The following EPHA4 variants were observed in gnomAD, a reference collection of about 807,000 sequenced individuals.
EPHA4 encodes EPH receptor A4.
EPHA4 carries 19 observed loss-of-function variants against 108.3 expected under a neutral mutation model. The ratio of observed to expected loss-of-function variants is 0.18; its 90% CI spans 0.12 to 0.26. EPHA4 has a LOEUF of 0.26. EPHA4 is among the 10% of genes least tolerant of loss of function. The pLI, the probability that EPHA4 is intolerant of heterozygous loss-of-function variation, is 1.00. For missense variants in EPHA4, 917 were observed against 1,254.0 expected (o/e 0.73, Z 4.06); for synonymous variants, 449 against 455.5 (o/e 0.99, Z 0.18).
At chr2:221,445,664 T>C (rs1690573132) in intron 9 of EPHA4, among the ~76,000 whole-genome samples, 1 of 151,610 alleles carries the variant, frequency 6.6e-6, no homozygotes, top group African/African-American at 2.4e-5. Context: ...TTCTTTGACC[T>C]CTTTGGAACA....
In EPHA4 at chr2:221,449,644, G is replaced by A. The variant is rs6712216; in HGVS notation, c.1716-3463C>T. ...TTAGCAGACATTGTTGCAGAACAGC[G>A]TGAGCCCTCTCAACCAACGTGCTGT... On this transcript the variant is annotated intron_variant, in intron 8 of 17. Coordinates refer to ENST00000281821, the MANE Select transcript of EPHA4 (RefSeq NM_004438.5). Among the ~76,000 whole-genome samples, 601 of 152,288 alleles carry A rather than the reference G, an allele frequency of 3.9e-3. 4 individuals carry two copies. The highest frequency in any genetic ancestry group is 0.014 in the African/African-American group (572 of 41,560).
At chr2:221,422,786 G>A (rs1032287112) in intron 17 of EPHA4, among the ~76,000 whole-genome samples, 6 of 152,178 alleles carry the variant, frequency 3.9e-5, no homozygotes, top group Non-Finnish European at 7.3e-5. Context: ...CAGTCGTGAT[G>A]ACATCAAAAT....
At position 221,527,127 on chromosome 2, in the gene EPHA4, GA is replaced by G. The variant is rs1313486877; in HGVS notation, c.824-25956del. ...CAACAGAGTGAGACTCTGTCTAAAG[GA>G]AAAAAAAGAATCTGAATCTACTACT... On this transcript the variant is annotated intron_variant, in intron 3 of 17. Coordinates refer to ENST00000281821, the MANE Select transcript of EPHA4 (RefSeq NM_004438.5). Among the ~76,000 whole-genome samples the G allele has an allele frequency of 4.6e-5, 7 of 151,752 alleles. No individual in the cohort carries two copies. In the East Asian group the frequency reaches 1.4e-3, roughly 30 times the overall value.
In EPHA4 at chr2:221,454,606, A is replaced by G. The variant is rs537778729; in HGVS notation, c.1715+941T>C. 3.3e-5 allele frequency among the ~76,000 whole-genome samples: 5 copies of G among 152,266 alleles called. No individual in the cohort carries two copies. The South Asian group carries it at 1.0e-3, about 32-fold the overall frequency. ...CATCTTGTGAAACAGTTGATGGTAT[A>G]TGGGGATGCCGATCAGGGAAGAGGC... is the stretch of plus-strand genomic sequence containing the variant. On this transcript the variant is annotated intron_variant, in intron 8 of 17. Coordinates refer to ENST00000281821, the MANE Select transcript of EPHA4 (RefSeq NM_004438.5).
intron 4 of EPHA4, among the ~76,000 whole-genome samples, chr2:221,493,240 AT>A (rs1229798598): frequency 3.3e-5 from 5 of 152,256 alleles, no homozygotes; most frequent in East Asian, 1.9e-4. Context: ...AGATAAAAAA[AT>A]ATATAGTTTA....
chr2:221,436,717 G>T, intron 12 of EPHA4, 109 bp from the exon 13 acceptor site: 1 of 1,112,660 alleles, frequency 9.0e-7, no homozygotes, highest in Non-Finnish European at 1.3e-6. Flanking sequence ...GGTATGCAAT[G>T]AAACTCAACA....
intron 16 of EPHA4, 144 bp downstream of exon 16, chr2:221,426,320 G>T: frequency 7.5e-6 from 8 of 1,064,998 alleles, no homozygotes; most frequent in South Asian, 1.6e-5. Context: ...CTTTATAGAG[G>T]CTGTGTAAAA....
At position 221,426,034 on chromosome 2, in the gene EPHA4, G is replaced by C. The variant is rs772325817; in HGVS notation, c.2955C>G (p.Pro985=). 6.2e-7 allele frequency: 1 copy of C among 1,613,840 alleles called. No individual in the cohort carries two copies. The highest frequency in any genetic ancestry group is 8.5e-7 in the Non-Finnish European group (1 of 1,179,828). Residue 985 remains proline (P), a synonymous_variant, in exon 17 of 18, where the codon CCC becomes CCG. Transcript: ENST00000281821. ...QMQQMHGRMV[P]V is the part of the protein sequence containing the mutation. ...GAGTTTATTCAGTACTGGCTCAGAC[G>C]GGAACCATTCTGCCGTGCATCTGCT...
At chr2:221,537,751 T>C (rs1024339195) in intron 3 of EPHA4, among the ~76,000 whole-genome samples, 1 of 152,044 alleles carries the variant, frequency 6.6e-6, no homozygotes, top group Admixed American at 6.5e-5. Context: ...GATGGTGCCA[T>C]TGCACTCTAG....
intron 11 of EPHA4, among the ~76,000 whole-genome samples, chr2:221,438,678 G>T (rs112955170): frequency 0.027 from 4,034 of 152,020 alleles, 173 homozygotes; most frequent in African/African-American, 0.093. Flanking sequence ...CCAGCTTCTC[G>T]GGAGGCTGAG....
intron 3 of EPHA4, among the ~76,000 whole-genome samples, chr2:221,549,405 G>GTC (rs149084369): frequency 6.6e-6 from 1 of 151,936 alleles, no homozygotes; most frequent in African/African-American, 2.4e-5. Flanking sequence ...TTATTTCTTG[G>GTC]TCTCTCTCTC....
At chr2:221,552,406 G>A (rs938036250) in intron 3 of EPHA4, among the ~76,000 whole-genome samples, 1 of 152,108 alleles carries the variant, frequency 6.6e-6, no homozygotes, top group Admixed American at 6.5e-5. Context: ...GAAGCGATCT[G>A]GGCACTAGAT....
chr2:221,535,449 C>T (rs893244890), intron 3 of EPHA4, among the ~76,000 whole-genome samples: 3 of 152,142 alleles, frequency 2.0e-5, no homozygotes, highest in Non-Finnish European at 4.4e-5. Flanking sequence ...AAGTAACAAC[C>T]ATATATTGAC....
intron 3 of EPHA4, among the ~76,000 whole-genome samples, chr2:221,526,437 T>G (rs138098415): frequency 5.7e-4 from 86 of 152,076 alleles, no homozygotes; most frequent in African/African-American, 1.8e-3. Flanking sequence ...GCCTCGAAGG[T>G]TGCAGGCAGG....
intron 3 of EPHA4, among the ~76,000 whole-genome samples, chr2:221,544,548 A>G (rs375471733): frequency 4.6e-5 from 7 of 151,890 alleles, no homozygotes; most frequent in Non-Finnish European, 7.4e-5. Flanking sequence ...CTGGTCTCGA[A>G]CTCCTGACCT....
intron 11 of EPHA4, among the ~76,000 whole-genome samples, chr2:221,439,316 C>T (rs556607133): frequency 7.5e-6 from 1 of 133,896 alleles, no homozygotes; most frequent in Admixed American, 7.5e-5. Flanking sequence ...CATATGTGAC[C>T]AGGGTTTTCT....
chr2:221,452,769 C>T (rs1690827341), intron 8 of EPHA4, among the ~76,000 whole-genome samples: 1 of 151,980 alleles, frequency 6.6e-6, no homozygotes, highest in Non-Finnish European at 1.5e-5. Context: ...TCGACAGGCT[C>T]AATTCTCTAA....
At chr2:221,424,932 C>T (rs1175885938) in intron 17 of EPHA4, among the ~76,000 whole-genome samples, 2 of 152,154 alleles carry the variant, frequency 1.3e-5, no homozygotes, top group African/African-American at 4.8e-5. Flanking sequence ...ATGGAAAGCA[C>T]ACAGCCAACA....
chr2:221,460,282 C>T (rs187703806), intron 5 of EPHA4, among the ~76,000 whole-genome samples: 246 of 152,116 alleles, frequency 1.6e-3, no homozygotes, highest in African/African-American at 5.5e-3. Context: ...CAAGCAAGAA[C>T]GAAGGATTAA....
Sources: gnomAD v4.1 joint callset for allele counts (sites outside exome capture counted in the v4.1 genomes callset) on GRCh38, gnomAD v4.1.1 for gene constraint, MANE v1.5 for transcripts, NCBI Gene and HGNC (gene_info 2026-07-23, HGNC 2026-07-21) for gene names.